Variants in CTNNA2 observed in about 807,000 individuals in gnomAD.
CTNNA2 encodes catenin alpha 2.
Under a neutral mutation model 101.0 loss-of-function variants are expected in CTNNA2, and 42 were observed. The ratio of observed to expected loss-of-function variants is 0.42; its 90% confidence interval spans 0.32 to 0.54. CTNNA2 has a LOEUF of 0.54. CTNNA2 is among the 20% of genes least tolerant of loss of function. The probability of loss-of-function intolerance (pLI) is 0.14; values close to 1 mark genes in which losing one functional copy is unlikely to be tolerated. For synonymous variants in CTNNA2, 450 were observed against 456.4 expected, an observed-to-expected ratio of 0.99 and a Z score of 0.18; for missense variants, 871 against 1,223.1, an observed-to-expected ratio of 0.71 and a Z score of 4.29.
chr2:79,275,525 A>G (rs548215158), intron 2 of CTNNA2, among the ~76,000 whole-genome samples: 39 of 152,144 alleles, frequency 2.6e-4, no homozygotes, highest in African/African-American at 9.4e-4. Context: ...TGTTTTCTAC[A>G]CTATGGTTCT....
chr2:79,828,930 A>C (rs1344688911), intron 3 of CTNNA2, among the ~76,000 whole-genome samples: 5 of 152,120 alleles, frequency 3.3e-5, no homozygotes, highest in African/African-American at 4.8e-5. Flanking sequence ...TGCCCAGGTA[A>C]ACTGCCCACA....
chr2:79,907,309 G>A (rs868478056), intron 6 of CTNNA2, among the ~76,000 whole-genome samples: 11 of 150,398 alleles, frequency 7.3e-5, no homozygotes, highest in African/African-American at 1.2e-4. Context: ...ATTTCTTAAC[G>A]TATATTATAT....
intron 7 of CTNNA2, among the ~76,000 whole-genome samples, chr2:80,306,390 TTTTCTTTTCTTTTCTTTCTTTCTTTC>T (rs1458016724): frequency 6.8e-5 from 9 of 133,254 alleles, no homozygotes; most frequent in Non-Finnish European, 6.1e-5. Context: ...TTTTCTTTTC[TTTTCTTTTCTTTTCTTTCTTTCTTTC>T]TTTCTTTCTT....
intron 17 of CTNNA2, among the ~76,000 whole-genome samples, chr2:80,608,756 A>T (rs959508397): frequency 6.6e-6 from 1 of 151,848 alleles, no homozygotes; most frequent in African/African-American, 2.4e-5. Context: ...TTCATTCATC[A>T]GGTTCCAATG....
At chr2:79,756,288 T>C (rs917842439) in intron 3 of CTNNA2, among the ~76,000 whole-genome samples, 1 of 152,250 alleles carries the variant, frequency 6.6e-6, no homozygotes, top group Admixed American at 6.5e-5. Context: ...TCATCCTGTT[T>C]GTCATTTGAA....
At chr2:79,381,322 C>G (rs1180534751) in intron 4 of CTNNA2, among the ~76,000 whole-genome samples, 4 of 152,166 alleles carry the variant, frequency 2.6e-5, no homozygotes. Context: ...AAAGTCAAAT[C>G]TCCTAGGTTT....
intron 9 of CTNNA2, among the ~76,000 whole-genome samples, chr2:80,443,162 T>C (rs1006747738): frequency 5.3e-5 from 8 of 152,328 alleles, no homozygotes; most frequent in South Asian, 4.1e-4. Flanking sequence ...TGAACACAAA[T>C]GCTGTTCTTT....
At chr2:79,957,518 A>G (rs1174768305) in intron 7 of CTNNA2, among the ~76,000 whole-genome samples, 1 of 152,168 alleles carries the variant, frequency 6.6e-6, no homozygotes, top group Non-Finnish European at 1.5e-5. Context: ...TTATGTCAAC[A>G]GGGTCTTTCC....
At chr2:79,987,154 C>A (rs1002071684) in intron 7 of CTNNA2, among the ~76,000 whole-genome samples, 1 of 152,190 alleles carries the variant, frequency 6.6e-6, no homozygotes, top group Non-Finnish European at 1.5e-5. Context: ...AAGGTCAAGC[C>A]CAGCACTGGC....
At chr2:79,822,298 T>C (rs1558552769) in intron 3 of CTNNA2, among the ~76,000 whole-genome samples, 1 of 152,176 alleles carries the variant, frequency 6.6e-6, no homozygotes, top group Non-Finnish European at 1.5e-5. Context: ...GCCTTTTGTT[T>C]CTCAGAAAGT....
intron 7 of CTNNA2, among the ~76,000 whole-genome samples, chr2:80,118,096 C>G (rs1489181843): frequency 6.6e-6 from 1 of 152,106 alleles, no homozygotes. Context: ...TACCTATCAC[C>G]CAAATGTGGT....
intron 3 of CTNNA2, among the ~76,000 whole-genome samples, chr2:79,807,921 T>G (rs1676705889): frequency 6.6e-6 from 1 of 152,188 alleles, no homozygotes; most frequent in Non-Finnish European, 1.5e-5. Flanking sequence ...AAATTATAAG[T>G]AGATAACCTA....
chr2:80,279,049 C>CGGGTGT (rs1055894339), intron 7 of CTNNA2, among the ~76,000 whole-genome samples: 3 of 135,824 alleles, frequency 2.2e-5, no homozygotes, highest in Admixed American at 1.5e-4. Context: ...ATGACTTTTA[C>CGGGTGT]GTGTGTGTGT....
At chr2:80,610,966 C>T (rs931751641) in intron 17 of CTNNA2, among the ~76,000 whole-genome samples, 3 of 150,824 alleles carry the variant, frequency 2.0e-5, no homozygotes, top group Non-Finnish European at 4.4e-5. Flanking sequence ...CACACAACTG[C>T]TATCTAAGAA....
At chr2:79,754,883 G>T (rs1672293014) in intron 3 of CTNNA2, among the ~76,000 whole-genome samples, 1 of 152,088 alleles carries the variant, frequency 6.6e-6, no homozygotes, top group Non-Finnish European at 1.5e-5. Context: ...TACCTTTGGG[G>T]AAAGAAGAGT....
chr2:79,925,068 T>C (rs995527731), intron 7 of CTNNA2, among the ~76,000 whole-genome samples: 2 of 152,094 alleles, frequency 1.3e-5, no homozygotes, highest in African/African-American at 4.8e-5. Context: ...TCCAATGTTA[T>C]TATCTCAACC....
chr2:79,971,876 C>A (rs146609947), intron 7 of CTNNA2, among the ~76,000 whole-genome samples: 1 of 152,138 alleles, frequency 6.6e-6, no homozygotes, highest in Non-Finnish European at 1.5e-5. Flanking sequence ...GGCTGGAGGT[C>A]CCATCTAAGG....
At chr2:79,678,193 G>A (rs1363301836) in intron 2 of CTNNA2, among the ~76,000 whole-genome samples, 1 of 152,096 alleles carries the variant, frequency 6.6e-6, no homozygotes, top group Non-Finnish European at 1.5e-5. Flanking sequence ...CCAGCTGATC[G>A]ACTCCTAATT....
rs531060702 is a variant in CTNNA2 at position 80,482,398 on chromosome 2, C to G, written c.1291-62584C>G. 3.3e-5 allele frequency among the ~76,000 whole-genome samples: 5 copies of G among 152,254 alleles called. No individual in the cohort carries two copies. The South Asian group carries it at 6.2e-4, about 19-fold the overall frequency. The stretch of plus-strand genomic sequence containing the variant: ...AAAAAGGAATATTTAGAGCAGGGGT[C>G]AGCTAGCTTTCTGGAAAGGGCCTAT... On this transcript the variant is annotated intron_variant, in intron 9 of 18. Transcript: ENST00000402739.
Sources: allele counts gnomAD v4.1 joint callset (sites outside exome capture counted in the v4.1 genomes callset), GRCh38; gene constraint gnomAD v4.1.1; transcripts MANE v1.5; gene names NCBI Gene and HGNC (gene_info 2026-07-23, HGNC 2026-07-21).